Variants in AUTS2 observed in about 807,000 individuals in gnomAD.
AUTS2 encodes autism susceptibility gene 2 protein.
Under a neutral mutation model 112.4 loss-of-function variants are expected in AUTS2, and 17 were observed. That is an observed-to-expected ratio of 0.15 (90% CI 0.10 to 0.23). The LOEUF is 0.23. Among genes scored for constraint, AUTS2 ranks in the 10% least tolerant of loss-of-function variants. The probability of loss-of-function intolerance (pLI) is 1.00; values close to 1 mark genes in which losing one functional copy is unlikely to be tolerated. For missense variants in AUTS2, 1,510 were observed against 1,701.6 expected, an observed-to-expected ratio of 0.89 and a Z score of 1.98; for synonymous variants, 751 against 702.7, an observed-to-expected ratio of 1.07 and a Z score of -1.09.
At chr7:70,286,589 C>G (rs550624405) in intron 4 of AUTS2, among the ~76,000 whole-genome samples, 1 of 152,172 alleles carries the variant, frequency 6.6e-6, no homozygotes, top group Admixed American at 6.5e-5. Flanking sequence ...AAAAGGAAAT[C>G]TAATGAAAAC....
Position 69,721,266 on chromosome 7 carries a change from A to G in AUTS2, c.309+121304A>G, listed in dbSNP as rs79114260. Among the ~76,000 whole-genome samples, 443 of 152,246 alleles carry G rather than the reference A, an allele frequency of 2.9e-3. 5 individuals carry two copies. The highest frequency in any genetic ancestry group is 0.01 in the African/African-American group (429 of 41,550). ...CTGAAGGCTGTCACGTTTACTTTTCACTGTGCCTAGAATGCTCTTACCCTC... is the reference window on the plus strand; with the variant it reads ...CTGAAGGCTGTCACGTTTACTTTTCGCTGTGCCTAGAATGCTCTTACCCTC... On this transcript the variant is annotated intron_variant, in intron 1 of 18. Transcript: ENST00000342771.
At chr7:70,063,194 A>C (rs914039776) in intron 2 of AUTS2, among the ~76,000 whole-genome samples, 1 of 152,068 alleles carries the variant, frequency 6.6e-6, no homozygotes, top group Non-Finnish European at 1.5e-5. Context: ...TCACCAAAAA[A>C]ATTTGAATTT....
At chr7:70,654,673 G>A (rs1806676961) in intron 5 of AUTS2, among the ~76,000 whole-genome samples, 1 of 152,194 alleles carries the variant, frequency 6.6e-6, no homozygotes, top group African/African-American at 2.4e-5. Context: ...ATGAAATTCT[G>A]TTGATGTTGT....
intron 1 of AUTS2, among the ~76,000 whole-genome samples, chr7:69,781,717 TTTTG>T (rs1426272132): frequency 6.6e-6 from 1 of 152,102 alleles, no homozygotes; most frequent in Non-Finnish European, 1.5e-5. Context: ...AGTGGCTGAT[TTTTG>T]TTTGTTTGTT....
At chr7:70,361,952 C>G (rs747246783) in intron 4 of AUTS2, among the ~76,000 whole-genome samples, 10 of 152,110 alleles carry the variant, frequency 6.6e-5, no homozygotes, top group Admixed American at 1.3e-4. Flanking sequence ...TTAAAGGATT[C>G]TAGTTTAGGG....
chr7:70,702,308 G>A (rs1444732270), intron 6 of AUTS2, among the ~76,000 whole-genome samples: 1 of 152,138 alleles, frequency 6.6e-6, no homozygotes, highest in Non-Finnish European at 1.5e-5. Context: ...TCTAGGTTAG[G>A]GGAAGAGAAA....
chr7:70,353,267 A>T (rs901861848), intron 4 of AUTS2, among the ~76,000 whole-genome samples: 11 of 152,176 alleles, frequency 7.2e-5, no homozygotes, highest in Non-Finnish European at 1.3e-4. Flanking sequence ...CAAATTCCTT[A>T]TATTTGTTAT....
intron 5 of AUTS2, among the ~76,000 whole-genome samples, chr7:70,545,358 C>T (rs952743978): frequency 1.3e-5 from 2 of 152,198 alleles, no homozygotes; most frequent in Non-Finnish European, 2.9e-5. Flanking sequence ...TCCATCTCTT[C>T]GGAGAGAAAG....
At chr7:70,170,769 G>A (rs1808639635) in intron 4 of AUTS2, among the ~76,000 whole-genome samples, 1 of 151,726 alleles carries the variant, frequency 6.6e-6, no homozygotes, top group Admixed American at 6.6e-5. Context: ...CACCACGCGT[G>A]GCTAATTTTT....
intron 4 of AUTS2, among the ~76,000 whole-genome samples, chr7:70,193,277 G>T (rs967556494): frequency 3.3e-5 from 5 of 152,132 alleles, no homozygotes; most frequent in African/African-American, 9.7e-5. Flanking sequence ...ACCTTATCAG[G>T]CTTAATGAGG....
intron 6 of AUTS2, among the ~76,000 whole-genome samples, chr7:70,753,255 A>G (rs1788980769): frequency 3.3e-5 from 5 of 152,124 alleles, no homozygotes; most frequent in Admixed American, 2.6e-4. Context: ...TGGCAGATGC[A>G]ATGGCTATTT....
intron 5 of AUTS2, among the ~76,000 whole-genome samples, chr7:70,683,995 G>C (rs1179025640): frequency 6.6e-6 from 1 of 152,154 alleles, no homozygotes; most frequent in African/African-American, 2.4e-5. Flanking sequence ...GGAATTCTAC[G>C]ACATTCTAGC....
At chr7:70,588,181 A>G (rs985629766) in intron 5 of AUTS2, among the ~76,000 whole-genome samples, 1 of 152,194 alleles carries the variant, frequency 6.6e-6, no homozygotes, top group Non-Finnish European at 1.5e-5. Flanking sequence ...GAAGATGGAA[A>G]ATCTCTCTTT....
chr7:70,480,975 C>T (rs1797766595), intron 5 of AUTS2, among the ~76,000 whole-genome samples: 1 of 152,090 alleles, frequency 6.6e-6, no homozygotes, highest in African/African-American at 2.4e-5. Flanking sequence ...GCACATTGTT[C>T]CTGTTGGAAC....
intron 4 of AUTS2, among the ~76,000 whole-genome samples, chr7:70,398,867 A>G (rs183496667): frequency 1.3e-5 from 2 of 152,268 alleles, no homozygotes; most frequent in Admixed American, 1.3e-4. Flanking sequence ...TTTCCGTTTG[A>G]AAAAGTTCTT....
chr7:70,469,380 G>A (rs1485661366), intron 5 of AUTS2, among the ~76,000 whole-genome samples: 2 of 152,178 alleles, frequency 1.3e-5, no homozygotes, highest in Non-Finnish European at 2.9e-5. Context: ...AGAGAAGCTG[G>A]TAGATACCCA....
chr7:70,724,970 T>C (rs1030252096), intron 6 of AUTS2, among the ~76,000 whole-genome samples: 1 of 152,224 alleles, frequency 6.6e-6, no homozygotes, highest in African/African-American at 2.4e-5. Flanking sequence ...GTAGGATATC[T>C]GGATTTCAGA....
intron 2 of AUTS2, among the ~76,000 whole-genome samples, chr7:70,072,052 GA>G (rs1335087104): frequency 6.6e-6 from 1 of 152,168 alleles, no homozygotes; most frequent in Admixed American, 6.5e-5. Flanking sequence ...AACTCTTATA[GA>G]ATTGGGAGAG....
intron 2 of AUTS2, among the ~76,000 whole-genome samples, chr7:70,019,460 A>C (rs1165519707): frequency 6.6e-6 from 1 of 152,228 alleles, no homozygotes; most frequent in African/African-American, 2.4e-5. Context: ...CTTACTTTAA[A>C]AACAATTTCT....
Sources: allele counts gnomAD v4.1 joint callset (sites outside exome capture counted in the v4.1 genomes callset), GRCh38; gene constraint gnomAD v4.1.1; transcripts MANE v1.5; gene names NCBI Gene and HGNC (gene_info 2026-07-23, HGNC 2026-07-21).